Variants in SNX29 observed in about 807,000 individuals in gnomAD.
The protein encoded by SNX29 is sorting nexin 29.
In SNX29, 78 loss-of-function variants were observed where a neutral mutation model predicts 102.1. That is an observed-to-expected ratio of 0.76 (90% CI 0.64 to 0.92). The LOEUF (loss-of-function observed/expected upper bound fraction) is 0.92, where lower values mean the gene tolerates loss of function less well. SNX29 is among the 40% of genes least tolerant of loss of function. The pLI, the probability that SNX29 is intolerant of heterozygous loss-of-function variation, is 0.00. For missense variants in SNX29, 1,280 were observed against 1,061.7 expected (o/e 1.21, Z -2.86); for synonymous variants, 580 against 414.5 (o/e 1.40, Z -4.85).
At chr16:12,513,206 G>A (rs1302805292) in intron 19 of SNX29, among the ~76,000 whole-genome samples, 3 of 144,648 alleles carry the variant, frequency 2.1e-5, no homozygotes. Flanking sequence ...CCCTTGCCCT[G>A]CCCTACTGTG....
At chr16:12,330,709 G>T (rs1394658678) in intron 15 of SNX29, among the ~76,000 whole-genome samples, 1 of 152,216 alleles carries the variant, frequency 6.6e-6, no homozygotes, top group African/African-American at 2.4e-5. Flanking sequence ...GGCGCTTGTG[G>T]CAGGTTTCAG....
intron 20 of SNX29, among the ~76,000 whole-genome samples, chr16:12,540,300 T>C (rs34246038): frequency 0.33 from 50,766 of 151,808 alleles, 9,355 homozygotes; most frequent in South Asian, 0.62. Context: ...CATTACGGGG[T>C]GGCCCCACCC....
intron 14 of SNX29, among the ~76,000 whole-genome samples, chr16:12,267,740 G>T (rs1450436951): frequency 6.6e-6 from 1 of 152,202 alleles, no homozygotes; most frequent in African/African-American, 2.4e-5. Context: ...TTTGGAGGGA[G>T]ATCTGAGCTG....
At chr16:12,358,367 C>G (rs1337397144) in intron 16 of SNX29, among the ~76,000 whole-genome samples, 2 of 151,972 alleles carry the variant, frequency 1.3e-5, no homozygotes, top group Non-Finnish European at 2.9e-5. Flanking sequence ...ATCAGGAGTT[C>G]GAGACCAGCC....
intron 4 of SNX29, among the ~76,000 whole-genome samples, chr16:12,033,252 A>ATATG (rs1387583375): frequency 6.6e-6 from 1 of 151,874 alleles, no homozygotes. Flanking sequence ...TCATATATAT[A>ATATG]TATGTATGTA....
intron 18 of SNX29, among the ~76,000 whole-genome samples, chr16:12,405,465 T>C (rs1017172520): frequency 1.3e-5 from 2 of 152,214 alleles, no homozygotes; most frequent in African/African-American, 4.8e-5. Context: ...CTGGCCGCTC[T>C]GCATCGCTGG....
chr16:12,022,887 C>T (rs1398758507), intron 3 of SNX29, among the ~76,000 whole-genome samples: 1 of 146,642 alleles, frequency 6.8e-6, no homozygotes, highest in East Asian at 1.9e-4. Flanking sequence ...TGGATCAGTA[C>T]CTTATTCCTT....
At chr16:12,311,569 G>A (rs933743553) in intron 15 of SNX29, among the ~76,000 whole-genome samples, 3 of 152,370 alleles carry the variant, frequency 2.0e-5, no homozygotes, top group Middle Eastern at 3.4e-3. Flanking sequence ...TCCCAAGGCC[G>A]ATGGCCCGTC....
Position 12,560,446 on chromosome 16 carries a change from G to A in SNX29, c.2319-8060G>A, listed in dbSNP as rs560922070. On this transcript the variant is annotated intron_variant, in intron 20 of 20. Coordinates refer to ENST00000566228, the MANE Select transcript of SNX29 (RefSeq NM_032167.5). ...TGTAGGCATCCATGTCCCCAGCCCC[G>A]AGTCTTTTGGGTTCTTGCCTGGGAG... Among the ~76,000 whole-genome samples the A allele has an allele frequency of 9.9e-5, 15 of 152,216 alleles. No individual in the cohort carries two copies. In the East Asian group the frequency reaches 1.5e-3, roughly 16 times the overall value.
intron 14 of SNX29, among the ~76,000 whole-genome samples, chr16:12,216,065 T>A (rs2077315262): frequency 6.6e-6 from 1 of 152,220 alleles, no homozygotes; most frequent in Admixed American, 6.5e-5. Flanking sequence ...CATCGTGGCT[T>A]GCCTTAAATT....
intron 2 of SNX29, among the ~76,000 whole-genome samples, chr16:12,001,655 A>G (rs1310654877): frequency 6.6e-6 from 1 of 152,154 alleles, no homozygotes; most frequent in East Asian, 1.9e-4. Context: ...ACATTGTAGT[A>G]GTTTTGATAA....
At chr16:12,022,097 T>C (rs901811807) in intron 3 of SNX29, among the ~76,000 whole-genome samples, 74 of 151,606 alleles carry the variant, frequency 4.9e-4, no homozygotes, top group Non-Finnish European at 9.1e-4. Context: ...GGAAGTTTTT[T>C]TTTTTTTTTT....
At chr16:12,040,492 A>C (rs1215965884) in intron 4 of SNX29, among the ~76,000 whole-genome samples, 4 of 152,270 alleles carry the variant, frequency 2.6e-5, no homozygotes, top group Non-Finnish European at 2.9e-5. Context: ...TTATGGATAA[A>C]AACAAACTTT....
At chr16:12,026,708 A>C (rs1331373125) in intron 3 of SNX29, among the ~76,000 whole-genome samples, 2 of 152,378 alleles carry the variant, frequency 1.3e-5, no homozygotes, top group South Asian at 2.1e-4. Flanking sequence ...CAGAATAAAG[A>C]ACAAGAATCA....
chr16:12,486,159 C>T (rs904358117), intron 19 of SNX29, among the ~76,000 whole-genome samples: 23 of 152,204 alleles, frequency 1.5e-4, no homozygotes, highest in African/African-American at 5.3e-4. Flanking sequence ...GTGGCCCCTT[C>T]CTCTGTCTTC....
At chr16:12,039,121 C>T (rs540009207) in intron 4 of SNX29, among the ~76,000 whole-genome samples, 2 of 152,196 alleles carry the variant, frequency 1.3e-5, no homozygotes, top group African/African-American at 2.4e-5. Flanking sequence ...TACTTATGCA[C>T]ACTCATACAG....
At chr16:12,307,314 T>C (rs1174360644) in intron 15 of SNX29, among the ~76,000 whole-genome samples, 1 of 150,904 alleles carries the variant, frequency 6.6e-6, no homozygotes, top group African/African-American at 2.4e-5. Flanking sequence ...CCGAGGGAGG[T>C]TGTGGGATAG....
At chr16:12,125,818 TC>T (rs1337898081) in intron 11 of SNX29, among the ~76,000 whole-genome samples, 3 of 151,924 alleles carry the variant, frequency 2.0e-5, no homozygotes, top group African/African-American at 7.3e-5. Flanking sequence ...CTCTCAAACT[TC>T]CTGGGAAACA....
chr16:12,348,386 C>T (rs1247797027), intron 15 of SNX29, among the ~76,000 whole-genome samples: 2 of 152,178 alleles, frequency 1.3e-5, no homozygotes, highest in Non-Finnish European at 2.9e-5. Context: ...TTGCATTGGC[C>T]GAGGTTCTTA....
Sources: allele counts gnomAD v4.1 joint callset (sites outside exome capture counted in the v4.1 genomes callset), GRCh38; gene constraint gnomAD v4.1.1; transcripts MANE v1.5; gene names NCBI Gene and HGNC (gene_info 2026-07-23, HGNC 2026-07-21).